The following OSBPL6 variants were observed in gnomAD, a reference collection of about 807,000 sequenced individuals.
The protein encoded by OSBPL6 is oxysterol-binding protein-related protein 6.
OSBPL6 carries 49 observed loss-of-function variants against 125.8 expected under a neutral mutation model. The ratio of observed to expected loss-of-function variants is 0.39; its 90% CI spans 0.31 to 0.49. The LOEUF is 0.49. Ranked by LOEUF, OSBPL6 falls within the 20% of genes least tolerant of loss-of-function variation. OSBPL6 has a pLI of 0.88. For synonymous variants in OSBPL6, 394 were observed against 391.8 expected (o/e 1.01, Z -0.07); for missense variants, 986 against 1,135.4 (o/e 0.87, Z 1.89).
At chr2:178,391,656 C>T (rs1326838417) in intron 22 of OSBPL6, among the ~76,000 whole-genome samples, 1 of 152,208 alleles carries the variant, frequency 6.6e-6, no homozygotes, top group East Asian at 1.9e-4. Context: ...AATCTTTTCA[C>T]TTGAGCCTCA....
chr2:178,320,209 T>G, intron 3 of OSBPL6: 1 of 1,528,454 alleles, frequency 6.5e-7, no homozygotes, highest in Non-Finnish European at 8.8e-7. Flanking sequence ...ATGTCTTTGA[T>G]ACCAAGTAAA....
At chr2:178,348,278 G>A (rs548610564) in intron 11 of OSBPL6, among the ~76,000 whole-genome samples, 16 of 152,328 alleles carry the variant, frequency 1.1e-4, no homozygotes, top group African/African-American at 2.6e-4. Flanking sequence ...TCAACTTGTG[G>A]TGGAGTCTAA....
chr2:178,347,932 G>GT (rs1294601547), intron 11 of OSBPL6, among the ~76,000 whole-genome samples: 3 of 152,158 alleles, frequency 2.0e-5, no homozygotes, highest in African/African-American at 7.2e-5. Flanking sequence ...TTCTTCCCCA[G>GT]TAAGTCCTGG....
chr2:178,304,644 A>G (rs1229646238), intron 2 of OSBPL6, among the ~76,000 whole-genome samples: 1 of 151,828 alleles, frequency 6.6e-6, no homozygotes, highest in African/African-American at 2.4e-5. Context: ...TGACCTAAAC[A>G]CCTCCCATTA....
intron 12 of OSBPL6, among the ~76,000 whole-genome samples, chr2:178,355,693 T>A (rs1310894280): frequency 6.6e-6 from 1 of 152,098 alleles, no homozygotes; most frequent in African/African-American, 2.4e-5. Flanking sequence ...TCTGAAAATA[T>A]CCCAATCAAA....
At chr2:178,211,971 A>T (rs1330648128) in intron 1 of OSBPL6, among the ~76,000 whole-genome samples, 1 of 152,128 alleles carries the variant, frequency 6.6e-6, no homozygotes, top group Non-Finnish European at 1.5e-5. Context: ...TGAACAACCC[A>T]TGTTTTGGCA....
chr2:178,334,521 C>T (rs931549193), intron 8 of OSBPL6, among the ~76,000 whole-genome samples: 2 of 151,720 alleles, frequency 1.3e-5, no homozygotes, highest in Non-Finnish European at 2.9e-5. Context: ...TATTTATTTA[C>T]TTATTTATTT....
chr2:178,394,573 G>A (rs1248444379), intron 24 of OSBPL6, 138 bp downstream of exon 24: 6 of 1,145,154 alleles, frequency 5.2e-6, no homozygotes, highest in Non-Finnish European at 7.4e-6. Context: ...ATATTGAATC[G>A]ATTTTGCACT....
At chr2:178,285,217 A>T (rs1684580777) in intron 2 of OSBPL6, 96 bp downstream of exon 2, 2 of 395,842 alleles carry the variant, frequency 5.1e-6, no homozygotes, top group Non-Finnish European at 4.4e-6. Flanking sequence ...ACAAAGTCAC[A>T]GGAAGGTGTT....
chr2:178,241,302 T>C (rs1045890845), intron 1 of OSBPL6, among the ~76,000 whole-genome samples: 5 of 151,878 alleles, frequency 3.3e-5, no homozygotes, highest in Non-Finnish European at 7.4e-5. Context: ...TTAGTAGAGA[T>C]GGGGTTTCAC....
chr2:178,204,771 G>T (rs2089445160), intron 1 of OSBPL6, among the ~76,000 whole-genome samples: 1 of 152,186 alleles, frequency 6.6e-6, no homozygotes, highest in South Asian at 2.1e-4. Flanking sequence ...GTGCGGTGAA[G>T]AGGAAAGAGC....
At chr2:178,235,390 TTTCTTTTC>T (rs1157057594) in intron 1 of OSBPL6, among the ~76,000 whole-genome samples, 8 of 134,036 alleles carry the variant, frequency 6.0e-5, no homozygotes, top group African/African-American at 1.5e-4. Context: ...TCCTTTTTCT[TTTCTTTTC>T]TTTTTTTTTT....
At chr2:178,336,167 A>G (rs1689667513) in intron 8 of OSBPL6, 134 bp from the exon 9 acceptor site, 1 of 1,159,584 alleles carries the variant, frequency 8.6e-7, no homozygotes, top group South Asian at 1.5e-5. Context: ...ACATTTAGCC[A>G]AGAGGCTTCT....
At chr2:178,242,146 T>C (rs531689577) in intron 1 of OSBPL6, among the ~76,000 whole-genome samples, 1 of 152,368 alleles carries the variant, frequency 6.6e-6, no homozygotes, top group South Asian at 2.1e-4. Flanking sequence ...GATTGAGAAC[T>C]GTCTTTAAGT....
At chr2:178,218,647 T>TC (rs958657778) in intron 1 of OSBPL6, among the ~76,000 whole-genome samples, 3 of 150,956 alleles carry the variant, frequency 2.0e-5, no homozygotes, top group African/African-American at 7.3e-5. Flanking sequence ...TTTTTTTTTT[T>TC]CTGATGGAGT....
rs1413630334 is a variant in OSBPL6, at chr2:178,401,105, C to CCCT, written c.*5546_*5547insCCT. 1 of 152,210 alleles carries CCCT rather than the reference C, an allele frequency of 6.6e-6. No homozygotes were observed. Among genetic ancestry groups the CCCT allele is most frequent in the Non-Finnish European group, 1.5e-5 (1 of 68,036 alleles). The allele number at this position is 152,210 out of a possible 1,614,324, so 9.4% of individuals were successfully genotyped here. A position where few individuals can be genotyped will look rare whatever the true frequency, so the allele number is the denominator to read the frequency against. On this transcript the variant is annotated 3_prime_UTR_variant, in exon 25 of 25. Coordinates refer to ENST00000190611, the MANE Select transcript of OSBPL6 (RefSeq NM_032523.4). ...AATTTCCATGCTTCTGGTGATGTAA[C>CCCT]ACCACTTGGTGGTGGCGCTGAGGAA...
intron 3 of OSBPL6, among the ~76,000 whole-genome samples, chr2:178,309,496 G>T (rs1198726335): frequency 6.6e-6 from 1 of 152,118 alleles, no homozygotes; most frequent in African/African-American, 2.4e-5. Flanking sequence ...GAACATCTGT[G>T]CATAATAGTA....
intron 1 of OSBPL6, among the ~76,000 whole-genome samples, chr2:178,253,979 T>TC (rs2091790254): frequency 6.6e-6 from 1 of 152,136 alleles, no homozygotes; most frequent in Admixed American, 6.5e-5. Flanking sequence ...CACATGCAGC[T>TC]CCCTTGCTGT....
chr2:178,336,960 A>G (rs1361645958), intron 9 of OSBPL6, among the ~76,000 whole-genome samples: 2 of 152,190 alleles, frequency 1.3e-5, no homozygotes, highest in Non-Finnish European at 2.9e-5. Context: ...ATCCACAGTT[A>G]CCTGTTAGTG....
Sources: gnomAD v4.1 joint callset for allele counts (sites outside exome capture counted in the v4.1 genomes callset) on GRCh38, gnomAD v4.1.1 for gene constraint, MANE v1.5 for transcripts, NCBI Gene and HGNC (gene_info 2026-07-23, HGNC 2026-07-21) for gene names.